The following PTPRZ1 variants were observed in gnomAD, a reference collection of about 807,000 sequenced individuals.
PTPRZ1 encodes receptor-type tyrosine-protein phosphatase zeta.
A neutral mutation model predicts 214.1 loss-of-function variants in PTPRZ1; 82 were observed. The ratio of observed to expected loss-of-function variants is 0.38; its 90% CI spans 0.32 to 0.46. The LOEUF (loss-of-function observed/expected upper bound fraction) is 0.46, where lower values mean the gene tolerates loss of function less well. PTPRZ1 is among the 20% of genes least tolerant of loss of function. The pLI is 1.00. For missense variants in PTPRZ1, 2,603 were observed against 2,748.7 expected (o/e 0.95, Z 1.19); for synonymous variants, 945 against 987.9 (o/e 0.96, Z 0.81).
At chr7:122,018,660 A>C (rs1165258791) in intron 12 of PTPRZ1, among the ~76,000 whole-genome samples, 2 of 152,150 alleles carry the variant, frequency 1.3e-5, no homozygotes, top group Non-Finnish European at 2.9e-5. Flanking sequence ...TTTTTTCTTC[A>C]TGAAATTATT....
intron 1 of PTPRZ1, among the ~76,000 whole-genome samples, chr7:121,918,457 T>G (rs1265637997): frequency 3.3e-5 from 5 of 152,188 alleles, no homozygotes; most frequent in Admixed American, 3.3e-4. Context: ...GCTGAAGTAC[T>G]TAACTTGCCT....
At chr7:121,879,947 A>C (rs1267215755) in intron 1 of PTPRZ1, among the ~76,000 whole-genome samples, 1 of 152,174 alleles carries the variant, frequency 6.6e-6, no homozygotes, top group Non-Finnish European at 1.5e-5. Flanking sequence ...TAAGATAATT[A>C]AATAAACTTA....
chr7:121,997,867 A>G lies in PTPRZ1; in HGVS notation c.1114-13A>G, dbSNP rs1400114783. The G allele has an allele frequency of 6.3e-7, 1 of 1,595,706 alleles. No homozygotes were observed. The highest frequency in any genetic ancestry group is 1.1e-5 in the South Asian group (1 of 89,836). On this transcript the variant is annotated splice_polypyrimidine_tract_variant and intron_variant, in intron 9 of 29. Coordinates refer to ENST00000393386, the MANE Select transcript of PTPRZ1 (RefSeq NM_002851.3). ...GAATAACATTTGTATAATTACTAAC[A>G]TCTTTCTTTTAGGGTGCTATTCTCA...
intron 2 of PTPRZ1, among the ~76,000 whole-genome samples, chr7:121,946,437 C>T (rs1209271765): frequency 2.6e-5 from 4 of 152,080 alleles, no homozygotes; most frequent in African/African-American, 9.7e-5. Context: ...CTATACTAAT[C>T]CTAAAAACAG....
intron 11 of PTPRZ1, among the ~76,000 whole-genome samples, chr7:122,007,752 T>C (rs1798535943): frequency 6.6e-6 from 1 of 152,120 alleles, no homozygotes; most frequent in African/African-American, 2.4e-5. Flanking sequence ...CTTTTAAAAA[T>C]GAAGTTGTGA....
chr7:122,058,223 A>AT (rs567674068), intron 27 of PTPRZ1, among the ~76,000 whole-genome samples: 13 of 151,922 alleles, frequency 8.6e-5, no homozygotes, highest in Middle Eastern at 6.8e-3. Flanking sequence ...AAAAGGTATC[A>AT]TTTTTTTAAA....
At chr7:121,882,546 G>T (rs1794273932) in intron 1 of PTPRZ1, among the ~76,000 whole-genome samples, 1 of 152,270 alleles carries the variant, frequency 6.6e-6, no homozygotes, top group Non-Finnish European at 1.5e-5. Context: ...ACAGTAAAAG[G>T]TCTCAAATGG....
intron 6 of PTPRZ1, among the ~76,000 whole-genome samples, chr7:121,978,736 CA>C (rs1284624224): frequency 6.6e-6 from 1 of 152,090 alleles, no homozygotes; most frequent in African/African-American, 2.4e-5. Context: ...CCTCATTTAC[CA>C]AAAACCAAAA....
intron 21 of PTPRZ1, among the ~76,000 whole-genome samples, chr7:122,042,347 A>C (rs1799756680): frequency 6.6e-6 from 1 of 152,212 alleles, no homozygotes; most frequent in Non-Finnish European, 1.5e-5. Flanking sequence ...GAAAGTTTTA[A>C]AATCTCCAAC....
At chr7:121,957,075 C>A (rs1192906261) in intron 2 of PTPRZ1, among the ~76,000 whole-genome samples, 1 of 152,216 alleles carries the variant, frequency 6.6e-6, no homozygotes, top group Admixed American at 6.5e-5. Flanking sequence ...TTGGCATTTC[C>A]AGCACCTTCA....
intron 29 of PTPRZ1, 94 bp downstream of exon 29, chr7:122,059,982 A>G (rs1040244702): frequency 5.7e-6 from 7 of 1,229,834 alleles, no homozygotes; most frequent in Non-Finnish European, 7.9e-6. Context: ...GAAAGATCTT[A>G]TTAACTGATA....
chr7:121,926,148 C>CA (rs1322241527), intron 1 of PTPRZ1, among the ~76,000 whole-genome samples: 1 of 151,668 alleles, frequency 6.6e-6, no homozygotes, highest in African/African-American at 2.4e-5. Flanking sequence ...ACTAAAAATT[C>CA]AAAAAAATTA....
chr7:121,955,190 A>G (rs1035826100), intron 2 of PTPRZ1, among the ~76,000 whole-genome samples: 2 of 152,198 alleles, frequency 1.3e-5, no homozygotes, highest in Non-Finnish European at 2.9e-5. Context: ...ATCTATAATA[A>G]GTATGTGGAT....
At chr7:122,059,925 T>C (rs984725450) in intron 29 of PTPRZ1, 37 bp downstream of exon 29, 57 of 1,596,852 alleles carry the variant, frequency 3.6e-5, no homozygotes, top group Non-Finnish European at 4.6e-5. Flanking sequence ...TTTTCACTGA[T>C]AGAGTACAAC....
chr7:122,057,645 C>CTTTTTTTTTTTTTTT (rs5887066), intron 27 of PTPRZ1, among the ~76,000 whole-genome samples: 5 of 128,168 alleles, frequency 3.9e-5, no homozygotes, highest in Admixed American at 7.7e-5. Context: ...CTTTGTGATT[C>CTTTTTTTTTTTTTTT]TTTTTTTTTT....
At chr7:122,044,246 G>A (rs1033257039) in intron 22 of PTPRZ1, among the ~76,000 whole-genome samples, 176 bp from the exon 23 acceptor site, 11 of 152,182 alleles carry the variant, frequency 7.2e-5, no homozygotes, top group Non-Finnish European at 1.6e-4. Flanking sequence ...TCTTTCTTCT[G>A]TGACCACTTC....
rs1003756765 is a variant in PTPRZ1 at position 122,019,233 on chromosome 7, T to C, written c.4953T>C (p.Cys1651=). The change falls in exon 13 of 30, where the codon TGT becomes TGC. Residue 1651 remains cysteine, a synonymous_variant. Coordinates refer to ENST00000393386, the MANE Select transcript of PTPRZ1 (RefSeq NM_002851.3). Reference sequence around the variant, plus strand: ...TCGTGTCAGCCCTGACTTTTATCTGTCTAGTGGTTCTTGTGGGTATTCTCA... The same window carrying C: ...TCGTGTCAGCCCTGACTTTTATCTGCCTAGTGGTTCTTGTGGGTATTCTCA... ...LVIVSALTFI[C]LVVLVGILIY... is the part of the protein sequence containing the mutation. 7 of 1,612,766 alleles carry C rather than the reference T, an allele frequency of 4.3e-6. No individual in the cohort carries two copies. Among genetic ancestry groups the C allele is most frequent in the Non-Finnish European group, 5.9e-6 (7 of 1,178,998 alleles).
chr7:121,896,741 C>G (rs536120224), intron 1 of PTPRZ1, among the ~76,000 whole-genome samples: 12 of 151,438 alleles, frequency 7.9e-5, no homozygotes, highest in African/African-American at 2.7e-4. Context: ...CCACTGCACT[C>G]TAGCCTGGGT....
At chr7:121,906,716 C>T (rs1481432010) in intron 1 of PTPRZ1, among the ~76,000 whole-genome samples, 6 of 152,226 alleles carry the variant, frequency 3.9e-5, no homozygotes, top group African/African-American at 7.2e-5. Flanking sequence ...TCTGACTACA[C>T]GTCAAAGATG....
Sources: allele counts gnomAD v4.1 joint callset (sites outside exome capture counted in the v4.1 genomes callset), GRCh38; gene constraint gnomAD v4.1.1; transcripts MANE v1.5; gene names NCBI Gene and HGNC (gene_info 2026-07-23, HGNC 2026-07-21).